The following UGGT2 variants were observed in gnomAD, a reference collection of about 807,000 sequenced individuals.
The protein encoded by UGGT2 is UDP-glucose glycoprotein glucosyltransferase 2, also known as UDP-glucose:glycoprotein glucosyltransferase 2.
UGGT2 carries 180 observed loss-of-function variants against 192.1 expected under a neutral mutation model. The ratio of observed to expected loss-of-function variants is 0.94; its 90% CI spans 0.83 to 1.06. The LOEUF (loss-of-function observed/expected upper bound fraction) is 1.06. Among genes scored for constraint, UGGT2 ranks in the 50% least tolerant of loss-of-function variants. UGGT2 has a pLI of 0.00. For synonymous variants in UGGT2, 580 were observed against 591.0 expected, an observed-to-expected ratio of 0.98 and a Z score of 0.27; for missense variants, 1,849 against 1,795.7, an observed-to-expected ratio of 1.03 and a Z score of -0.54.
intron 20 of UGGT2, among the ~76,000 whole-genome samples, chr13:95,906,939 G>A (rs1339171726): frequency 1.3e-5 from 2 of 152,182 alleles, no homozygotes; most frequent in Non-Finnish European, 1.5e-5. Flanking sequence ...TGGAAAGTGG[G>A]TGCAGCCCAG....
At chr13:95,898,091 C>T (rs1167853455) in intron 22 of UGGT2, among the ~76,000 whole-genome samples, 2 of 152,134 alleles carry the variant, frequency 1.3e-5, no homozygotes, top group African/African-American at 4.8e-5. Flanking sequence ...CATCCCATAT[C>T]CACTTCTTAC....
At chr13:95,818,496 G>A (rs970385368) in intron 38 of UGGT2, among the ~76,000 whole-genome samples, 1 of 152,122 alleles carries the variant, frequency 6.6e-6, no homozygotes, top group Non-Finnish European at 1.5e-5. Context: ...TCAAAATTGT[G>A]GTTAAGTACT....
Position 95,877,296 on chromosome 13 carries a change from AT to A in UGGT2, c.3455del (p.Asp1152ValfsTer5). ...TAACTCACCCAACTATTTGATAAAT[AT>A]CTTCAGATTTTCCTTGGTGTAACCT... ...ILRLHQGKSE[D>X]IYQIVGHEGT... On this transcript the variant is annotated frameshift_variant, in exon 29 of 39. Transcript: ENST00000376747. LOFTEE classifies it high-confidence loss of function. The A allele has an allele frequency of 1.3e-6, 2 of 1,599,222 alleles. No individual in the cohort carries two copies. Among genetic ancestry groups the A allele is most frequent in the Non-Finnish European group, 1.7e-6 (2 of 1,174,904 alleles).
intron 36 of UGGT2, among the ~76,000 whole-genome samples, chr13:95,839,859 T>A (rs1026865099): frequency 6.6e-6 from 1 of 152,192 alleles, no homozygotes; most frequent in Non-Finnish European, 1.5e-5. Context: ...CTCATTGTGG[T>A]TTTGATTTGC....
intron 5 of UGGT2, among the ~76,000 whole-genome samples, chr13:96,007,678 T>C (rs2052024518): frequency 6.6e-6 from 1 of 152,060 alleles, no homozygotes; most frequent in African/African-American, 2.4e-5. Flanking sequence ...TCTGAAAATG[T>C]TACAACAGTT....
intron 38 of UGGT2, among the ~76,000 whole-genome samples, chr13:95,812,281 G>C (rs1884622796): frequency 6.6e-6 from 1 of 152,076 alleles, no homozygotes; most frequent in African/African-American, 2.4e-5. Flanking sequence ...ATTTAAAAAT[G>C]TAAAAACAAT....
At chr13:95,909,467 C>T (rs1357653594) in intron 20 of UGGT2, among the ~76,000 whole-genome samples, 4 of 150,654 alleles carry the variant, frequency 2.7e-5, no homozygotes, top group Non-Finnish European at 5.9e-5. Context: ...ATGGATGAAA[C>T]TGGAAATCAT....
intron 20 of UGGT2, among the ~76,000 whole-genome samples, chr13:95,922,878 C>A (rs2048892228): frequency 6.6e-6 from 1 of 152,068 alleles, no homozygotes; most frequent in Admixed American, 6.6e-5. Flanking sequence ...AAAAGAAACT[C>A]TCTTTGTTTT....
chr13:95,921,039 T>G (rs1017201888), intron 20 of UGGT2, among the ~76,000 whole-genome samples: 5 of 152,164 alleles, frequency 3.3e-5, no homozygotes, highest in African/African-American at 9.7e-5. Flanking sequence ...TCACATCCTT[T>G]GCAGGGACAC....
intron 5 of UGGT2, among the ~76,000 whole-genome samples, chr13:96,004,191 CAT>C (rs1566815376): frequency 4.1e-5 from 6 of 145,810 alleles, no homozygotes; most frequent in Non-Finnish European, 9.0e-5. Context: ...AAAAAAAAAA[CAT>C]ATTTGTTTTT....
Position 96,053,292 on chromosome 13 carries a change from C to A in UGGT2, c.21G>T (p.Thr7=), listed in dbSNP as rs752693358. 6.3e-7 allele frequency: 1 copy of A among 1,578,598 alleles called. No homozygotes were observed. The highest frequency in any genetic ancestry group is 1.1e-5 in the South Asian group (1 of 87,276). The change falls in exon 1 of 39, where the codon ACG becomes ACT. Residue 7 remains threonine (T), a synonymous_variant. Transcript: ENST00000376747. Reference sequence around the variant, plus strand: ...AGCCTAGTAGCAGCCGCACCACGTTCGTGGCTTTCGCTGGCGCCATGGCAC... The same window carrying A: ...AGCCTAGTAGCAGCCGCACCACGTTAGTGGCTTTCGCTGGCGCCATGGCAC... MAPAKA[T]NVVRLLLGST... is the part of the protein sequence containing the mutation.
intron 25 of UGGT2, among the ~76,000 whole-genome samples, chr13:95,888,486 G>A (rs2047710077): frequency 6.6e-6 from 1 of 152,178 alleles, no homozygotes; most frequent in African/African-American, 2.4e-5. Flanking sequence ...ACATGTCAGT[G>A]AAGATTCTAA....
At chr13:95,887,336 T>A (rs778388954) in intron 26 of UGGT2, 20 of 511,506 alleles carry the variant, frequency 3.9e-5, no homozygotes, top group Non-Finnish European at 5.9e-5. Flanking sequence ...GAATGGCTCA[T>A]AATGAATGAC....
At chr13:95,871,398 T>C (rs1235546027) in intron 29 of UGGT2, among the ~76,000 whole-genome samples, 1 of 152,174 alleles carries the variant, frequency 6.6e-6, no homozygotes, top group East Asian at 1.9e-4. Flanking sequence ...CAGAGAGCTG[T>C]TGTCAGATTG....
At chr13:95,808,715 T>C (rs1490848863) in intron 38 of UGGT2, among the ~76,000 whole-genome samples, 1 of 152,218 alleles carries the variant, frequency 6.6e-6, no homozygotes, top group African/African-American at 2.4e-5. Flanking sequence ...GTTGATAAGC[T>C]GTTAAATACG....
In UGGT2 at chr13:95,831,285, A is replaced by T. The variant is rs530151482; in HGVS notation, c.4528+1642T>A. Among the ~76,000 whole-genome samples, 45 of 152,264 alleles carry T rather than the reference A, an allele frequency of 3.0e-4. No homozygotes were observed. The South Asian group carries it at 8.1e-3, about 27-fold the overall frequency. On this transcript the variant is annotated intron_variant, in intron 38 of 38. Transcript: ENST00000376747. ...AGAACTTAAAGTATAATAATAATAAAAAAAAATCTCTTTTGTAAAACTTCT... is the reference window on the plus strand; with the variant it reads ...AGAACTTAAAGTATAATAATAATAATAAAAAATCTCTTTTGTAAAACTTCT...
chr13:95,940,906 T>G (rs2140537010), intron 15 of UGGT2, among the ~76,000 whole-genome samples: 1 of 152,286 alleles, frequency 6.6e-6, no homozygotes, highest in African/African-American at 2.4e-5. Context: ...CTAGTAAGTA[T>G]TTTGACTAAA....
intron 32 of UGGT2, chr13:95,859,880 T>TTCA (rs1391937031): frequency 2.5e-6 from 1 of 404,380 alleles, no homozygotes; most frequent in Non-Finnish European, 4.4e-6. Context: ...TTAGAAGGTT[T>TTCA]TCACAATGAA....
chr13:95,957,291 T>A (rs763677446), intron 12 of UGGT2, among the ~76,000 whole-genome samples: 32 of 152,204 alleles, frequency 2.1e-4, no homozygotes, highest in Non-Finnish European at 4.3e-4. Flanking sequence ...TGCCACTGAA[T>A]GGTTAAAAGA....
Sources: gnomAD v4.1 joint callset for allele counts (sites outside exome capture counted in the v4.1 genomes callset) on GRCh38, gnomAD v4.1.1 for gene constraint, MANE v1.5 for transcripts, NCBI Gene and HGNC (gene_info 2026-07-23, HGNC 2026-07-21) for gene names.